ITGB5: variants seen among roughly 807,000 people sequenced by gnomAD.
ITGB5 encodes integrin beta-5.
ITGB5 carries 38 observed loss-of-function variants against 84.8 expected under a neutral mutation model. The observed-to-expected ratio is 0.45, with a 90% CI of 0.35 to 0.59. The LOEUF (loss-of-function observed/expected upper bound fraction) is 0.59, where lower values mean the gene tolerates loss of function less well. Ranked by LOEUF, ITGB5 falls within the 20% of genes least tolerant of loss-of-function variation. ITGB5 has a pLI of 0.01. For synonymous variants in ITGB5, 393 were observed against 414.4 expected, an observed-to-expected ratio of 0.95 and a Z score of 0.63; for missense variants, 905 against 1,034.5, an observed-to-expected ratio of 0.87 and a Z score of 1.72.
intron 1 of ITGB5, among the ~76,000 whole-genome samples, chr3:124,883,924 G>A (rs561509515): frequency 1.3e-5 from 2 of 152,202 alleles, no homozygotes; most frequent in South Asian, 4.2e-4. Context: ...GGACGGGAGG[G>A]GGTTGTCAGC....
chr3:124,763,728 ACGG>A lies in ITGB5; in HGVS notation c.2305-13_2305-11del. The A allele has an allele frequency of 6.5e-7, 1 of 1,529,844 alleles. No individual in the cohort carries two copies. Among genetic ancestry groups the A allele is most frequent in the Non-Finnish European group, 9.1e-7 (1 of 1,103,488 alleles). The allele number at this position is 1,529,844 out of a possible 1,614,324, so 94.8% of individuals were successfully genotyped here. A position where few individuals can be genotyped will look rare whatever the true frequency, so the allele number is the denominator to read the frequency against. On this transcript the variant is annotated splice_polypyrimidine_tract_variant and intron_variant, in intron 14 of 14. Coordinates refer to ENST00000296181, the MANE Select transcript of ITGB5 (RefSeq NM_002213.5). Reference sequence around the variant, plus strand: ...ATAATGGATTTGAAGCCTACAGAACACGGCGGGGAAGAGGATGAGGACACATGT... The same window carrying A: ...ATAATGGATTTGAAGCCTACAGAACACGGGGAAGAGGATGAGGACACATGT...
intron 1 of ITGB5, among the ~76,000 whole-genome samples, chr3:124,895,334 C>T (rs1559992465): frequency 6.6e-6 from 1 of 152,206 alleles, no homozygotes; most frequent in Non-Finnish European, 1.5e-5. Context: ...TCCGGCAATC[C>T]TCCCGCCTCA....
chr3:124,856,697 T>C (rs982151711), intron 3 of ITGB5, among the ~76,000 whole-genome samples: 1 of 152,352 alleles, frequency 6.6e-6, no homozygotes, highest in East Asian at 1.9e-4. Context: ...ACTGTTACTA[T>C]GATAAAAAAG....
chr3:124,769,453 A>C, intron 11 of ITGB5: 1 of 214,736 alleles, frequency 4.7e-6, no homozygotes, highest in South Asian at 9.5e-5. Flanking sequence ...TGGGTGATAA[A>C]ACAGTATTCC....
intron 11 of ITGB5, chr3:124,769,330 T>C: frequency 1.9e-6 from 1 of 528,628 alleles, no homozygotes; most frequent in East Asian, 3.2e-5. Context: ...GTGGCATGTC[T>C]TGTCTACATG....
At chr3:124,811,107 C>A (rs758971578) in intron 8 of ITGB5, among the ~76,000 whole-genome samples, 6 of 152,178 alleles carry the variant, frequency 3.9e-5, no homozygotes, top group Admixed American at 1.3e-4. Context: ...AAATCCACTT[C>A]CCTTTGCAAC....
intron 5 of ITGB5, among the ~76,000 whole-genome samples, chr3:124,825,196 CAAAAAAA>C (rs532997344): frequency 1.3e-5 from 1 of 79,246 alleles, no homozygotes; most frequent in Non-Finnish European, 2.8e-5. Flanking sequence ...GACTCCGTCT[CAAAAAAA>C]AAAAAAAAAA....
Position 124,762,981 on chromosome 3 carries a change from C to A in ITGB5, c.*642G>T, listed in dbSNP as rs973428798. On this transcript the variant is annotated 3_prime_UTR_variant, in exon 15 of 15. Transcript: ENST00000296181. ...AAACACAAATTCTTTTGGTTTTAAT[C>A]TTTACTTCCAATCCCAAACAATCTT... 24 of 152,336 alleles carry A rather than the reference C, an allele frequency of 1.6e-4. No homozygotes were observed. Among genetic ancestry groups the A allele is most frequent in the African/African-American group, 5.8e-4 (24 of 41,558 alleles). 9.4% of individuals were successfully genotyped at this position (152,336 alleles called of 1,614,324 possible).
At chr3:124,791,540 G>A (rs1380575775) in intron 10 of ITGB5, 1 of 152,274 alleles carries the variant, frequency 6.6e-6, no homozygotes, top group Admixed American at 6.5e-5. Flanking sequence ...CAGTGAAGTG[G>A]AAGGAGTTTC....
intron 1 of ITGB5, among the ~76,000 whole-genome samples, chr3:124,896,850 C>T (rs1935113315): frequency 6.8e-6 from 1 of 146,642 alleles, no homozygotes; most frequent in African/African-American, 2.5e-5. Context: ...CACCTGAGCC[C>T]AGGAGTTCAA....
chr3:124,771,163 C>A lies in ITGB5; in HGVS notation c.1917-2050G>T, dbSNP rs528884256. ...TTAAAAAAATTAAGTTGTTTAGAGACACTTTGCTCTTGAGAGCCTGTTAAC... is the reference window on the plus strand; with the variant it reads ...TTAAAAAAATTAAGTTGTTTAGAGAAACTTTGCTCTTGAGAGCCTGTTAAC... On this transcript the variant is annotated intron_variant, in intron 11 of 14. Coordinates refer to ENST00000296181, the MANE Select transcript of ITGB5 (RefSeq NM_002213.5). Among the ~76,000 whole-genome samples, 19 of 152,268 alleles carry A rather than the reference C, an allele frequency of 1.2e-4. No homozygotes were observed. The South Asian group carries it at 3.9e-3, about 32-fold the overall frequency.
At chr3:124,841,827 G>A (rs1036160193) in intron 4 of ITGB5, among the ~76,000 whole-genome samples, 23 of 152,246 alleles carry the variant, frequency 1.5e-4, no homozygotes, top group African/African-American at 5.5e-4. Context: ...ATAATAGTAG[G>A]CTACTGTGGT....
intron 8 of ITGB5, among the ~76,000 whole-genome samples, chr3:124,817,183 C>A (rs912890382): frequency 2.0e-5 from 3 of 152,234 alleles, no homozygotes; most frequent in Non-Finnish European, 2.9e-5. Context: ...GAGGTGAGCT[C>A]AGCATGCGAA....
chr3:124,884,761 G>A (rs1437244934), intron 1 of ITGB5, among the ~76,000 whole-genome samples: 17 of 152,080 alleles, frequency 1.1e-4, no homozygotes. Context: ...GAACCACCAT[G>A]CTCAGTGCTT....
intron 10 of ITGB5, chr3:124,792,465 C>G (rs1478683447): frequency 6.6e-6 from 1 of 152,262 alleles, no homozygotes; most frequent in African/African-American, 2.4e-5. Flanking sequence ...AAGTGATGCA[C>G]ACGAAACAGC....
At chr3:124,815,572 G>C (rs1420508122) in intron 8 of ITGB5, among the ~76,000 whole-genome samples, 1 of 152,186 alleles carries the variant, frequency 6.6e-6, no homozygotes, top group Non-Finnish European at 1.5e-5. Context: ...CTGCCCTGTG[G>C]GGTCTCCCAG....
At chr3:124,772,664 C>G (rs1038743267) in intron 11 of ITGB5, among the ~76,000 whole-genome samples, 1 of 151,558 alleles carries the variant, frequency 6.6e-6, no homozygotes, top group Non-Finnish European at 1.5e-5. Flanking sequence ...GGGCATCATT[C>G]TGTAATTCCC....
At chr3:124,771,569 C>A (rs543561103) in intron 11 of ITGB5, among the ~76,000 whole-genome samples, 27 of 151,826 alleles carry the variant, frequency 1.8e-4, no homozygotes, top group Admixed American at 3.3e-4. Flanking sequence ...GTCAACATAG[C>A]AAGACCCTGT....
At chr3:124,830,309 C>T (rs896932171) in intron 5 of ITGB5, among the ~76,000 whole-genome samples, 1 of 152,180 alleles carries the variant, frequency 6.6e-6, no homozygotes, top group Non-Finnish European at 1.5e-5. Flanking sequence ...GACTTTCACC[C>T]ATATGGTAAG....
Sources: gnomAD v4.1 joint callset for allele counts (sites outside exome capture counted in the v4.1 genomes callset) on GRCh38, gnomAD v4.1.1 for gene constraint, MANE v1.5 for transcripts, NCBI Gene and HGNC (gene_info 2026-07-23, HGNC 2026-07-21) for gene names.